The following ZNF280C variants were observed in gnomAD, a reference collection of about 807,000 sequenced individuals.
The protein encoded by ZNF280C is suppressor of hairy wing homolog 3.
In ZNF280C, 14 loss-of-function variants were observed where a neutral mutation model predicts 53.6. The observed-to-expected ratio is 0.26, with a 90% CI of 0.17 to 0.41. ZNF280C has a LOEUF of 0.41. Ranked by LOEUF, ZNF280C falls within the 10% of genes least tolerant of loss-of-function variation. ZNF280C has a pLI of 1.00. For synonymous variants in ZNF280C, 203 were observed against 181.1 expected, an observed-to-expected ratio of 1.12 and a Z score of -0.97; for missense variants, 416 against 547.1, an observed-to-expected ratio of 0.76 and a Z score of 2.39.
At chrX:130,219,412 G>A (rs762462095) in intron 13 of ZNF280C, among the ~76,000 whole-genome samples, 4 of 104,241 alleles carry the variant, frequency 3.8e-5, no homozygotes, top group South Asian at 4.6e-4. Context: ...ACTTGAACCC[G>A]GGAGGCGGAG....
intron 16 of ZNF280C, among the ~76,000 whole-genome samples, chrX:130,205,760 C>T (rs1159854362): frequency 9.2e-6 from 1 of 108,719 alleles, no homozygotes; most frequent in East Asian, 2.9e-4. Context: ...GAGTCTGTAG[C>T]CCCAGCTACT....
chrX:130,253,947 G>A (rs1336021100), intron 2 of ZNF280C, among the ~76,000 whole-genome samples: 2 of 112,064 alleles, frequency 1.8e-5, no homozygotes, highest in African/African-American at 6.5e-5. Flanking sequence ...CAGAGCAAAA[G>A]AAACTAGAGA....
intron 1 of ZNF280C, among the ~76,000 whole-genome samples, chrX:130,264,594 T>C (rs1439721843): frequency 9.0e-6 from 1 of 111,052 alleles, no homozygotes; most frequent in Non-Finnish European, 1.9e-5. Flanking sequence ...AATGACCATA[T>C]GGTTAGCTAT....
rs1285909524 is a variant in ZNF280C at position 130,227,745 on chromosome X, C to T, written c.1185G>A (p.Glu395=). Residue 395 remains glutamate (E), a synonymous_variant, in exon 11 of 19, where the codon GAG becomes GAA. Coordinates refer to ENST00000370978, the MANE Select transcript of ZNF280C (RefSeq NM_017666.5). The stretch of plus-strand genomic sequence containing the variant: ...CCTTCATATGTTGTAAAAGAATATG[C>T]TCTGTTTCAAATGATAATTCACAGA... ...CKICELSFET[E]HILLQHMKDT... The T allele has an allele frequency of 3.3e-6, 4 of 1,203,843 alleles. No individual in the cohort carries two copies. The highest frequency in any genetic ancestry group is 1.8e-5 in the South Asian group (1 of 55,866).
At chrX:130,235,690 T>G (rs2032324351) in intron 8 of ZNF280C, among the ~76,000 whole-genome samples, 1 of 112,434 alleles carries the variant, frequency 8.9e-6, no homozygotes, top group African/African-American at 3.2e-5. Context: ...ATCCATTACC[T>G]CGAGTATTTA....
At chrX:130,233,833 C>G (rs2032304289) in intron 8 of ZNF280C, among the ~76,000 whole-genome samples, 2 of 109,756 alleles carry the variant, frequency 1.8e-5, no homozygotes, top group Non-Finnish European at 3.8e-5. Flanking sequence ...ATAGGTCAAT[C>G]ATACCTCAAT....
intron 8 of ZNF280C, 122 bp downstream of exon 8, chrX:130,236,092 T>C (rs1396303449): frequency 2.4e-5 from 9 of 379,474 alleles, no homozygotes; most frequent in Non-Finnish European, 4.1e-5. Flanking sequence ...TACATGGAAA[T>C]GCCAATACGA....
At position 130,229,016 on chromosome X, in the gene ZNF280C, A is replaced by C. The variant is rs769592314; in HGVS notation, c.1108T>G (p.Cys370Gly). Residue 370 changes from cysteine to glycine, a missense_variant, in exon 10 of 19, where the codon TGC becomes GGC. Physicochemically the swap from Cys to Gly is radical, Grantham distance 159. Around this residue, in one of 3 missense-constraint regions of ZNF280C, gnomAD observed 72 missense variants for 168.8 expected, o/e 0.43. Coordinates refer to ENST00000370978, the MANE Select transcript of ZNF280C (RefSeq NM_017666.5). ...RQYPTPFQLQ[C>G]HIESTHTPHE... is the part of the protein sequence containing the mutation. ...GGAGTGTGTGTACTCTCAATGTGGCACTGCAGTTGGAAGGGTGTGGGATAT... is the reference window on the plus strand; with the variant it reads ...GGAGTGTGTGTACTCTCAATGTGGCCCTGCAGTTGGAAGGGTGTGGGATAT... The C allele has an allele frequency of 8.3e-7, 1 of 1,207,237 alleles. No homozygotes were observed. Among genetic ancestry groups the C allele is most frequent in the Non-Finnish European group, 1.1e-6 (1 of 892,889 alleles).
At chrX:130,222,522 T>C (rs1055052690) in intron 12 of ZNF280C, among the ~76,000 whole-genome samples, 2 of 111,990 alleles carry the variant, frequency 1.8e-5, no homozygotes, top group Non-Finnish European at 3.8e-5. Flanking sequence ...GTTCAAAGTG[T>C]CTGCCATTTC....
At chrX:130,224,973 T>C (rs1233945557) in intron 12 of ZNF280C, among the ~76,000 whole-genome samples, 2 of 111,798 alleles carry the variant, frequency 1.8e-5, no homozygotes, top group Non-Finnish European at 3.8e-5. Flanking sequence ...CAAGGGCCAG[T>C]TATACAAGCA....
chrX:130,255,039 A>G (rs2032552175), intron 2 of ZNF280C, among the ~76,000 whole-genome samples: 1 of 110,759 alleles, frequency 9.0e-6, no homozygotes, highest in Non-Finnish European at 1.9e-5. Context: ...AAAAAAAAAA[A>G]GTCAAATGTC....
At chrX:130,227,520 T>A (rs1044322440) in intron 11 of ZNF280C, among the ~76,000 whole-genome samples, 162 bp downstream of exon 11, 1 of 112,103 alleles carries the variant, frequency 8.9e-6, no homozygotes, top group Non-Finnish European at 1.9e-5. Flanking sequence ...TTACAATGCA[T>A]GAGTTAAACC....
In ZNF280C at chrX:130,239,568, G is replaced by A. The variant is rs2032367341; in HGVS notation, c.493+14C>T. ...CTCTTTTTATAATTTTTATGAAAGA[G>A]TGCTAAACCAAACCTTCTCTAAAAA... On this transcript the variant is annotated intron_variant, in intron 6 of 18. Coordinates refer to ENST00000370978, the MANE Select transcript of ZNF280C (RefSeq NM_017666.5). 1.9e-6 allele frequency: 2 copies of A among 1,031,454 alleles called. No individual in the cohort carries two copies. The highest frequency in any genetic ancestry group is 6.1e-5 in the East Asian group (2 of 32,973). The allele number at this position is 1,031,454 out of a possible 1,213,427, so 85.0% of individuals were successfully genotyped here.
At position 130,227,670 on chromosome X, in the gene ZNF280C, A is replaced by ATG; in HGVS notation, c.1248+10_1248+11dup. The ATG allele has an allele frequency of 9.0e-7, 1 of 1,105,445 alleles. No homozygotes were observed. Among genetic ancestry groups the ATG allele is most frequent in the Non-Finnish European group, 1.3e-6 (1 of 799,827 alleles). The allele number at this position is 1,105,445 out of a possible 1,213,427, so 91.1% of individuals were successfully genotyped here. A position where few individuals can be genotyped will look rare whatever the true frequency, so the allele number is the denominator to read the frequency against. On this transcript the variant is annotated intron_variant, in intron 11 of 18. Coordinates refer to ENST00000370978, the MANE Select transcript of ZNF280C (RefSeq NM_017666.5). ...AACAAACACTTAACTACACAATAAA[A>ATG]TGTGTGTGTACCTGGCAAACATATG...
intron 8 of ZNF280C, among the ~76,000 whole-genome samples, chrX:130,234,340 G>C (rs2032309756): frequency 1.8e-5 from 2 of 111,558 alleles, no homozygotes; most frequent in Admixed American, 9.5e-5. Flanking sequence ...TGAATCGTAA[G>C]AGATGGATAC....
In ZNF280C at chrX:130,225,861, T is replaced by C. The variant is rs908770009; in HGVS notation, c.1395+898A>G. On this transcript the variant is annotated intron_variant, in intron 12 of 18. Coordinates refer to ENST00000370978, the MANE Select transcript of ZNF280C (RefSeq NM_017666.5). Reference sequence around the variant, plus strand: ...CTTGCCGAGACAATGCAATCAATACTACGAAAATGTAATGAGCTGATCAGT... The same window carrying C: ...CTTGCCGAGACAATGCAATCAATACCACGAAAATGTAATGAGCTGATCAGT... Among the ~76,000 whole-genome samples the C allele has an allele frequency of 6.2e-5, 7 of 112,001 alleles. No homozygotes were observed. The Admixed American group carries it at 6.6e-4, about 11-fold the overall frequency.
At chrX:130,240,985 A>G (rs367948927) in intron 5 of ZNF280C, among the ~76,000 whole-genome samples, 2 of 111,919 alleles carry the variant, frequency 1.8e-5, no homozygotes, top group Admixed American at 9.5e-5. Flanking sequence ...ATGAATAAAG[A>G]CCTAATATTA....
intron 2 of ZNF280C, among the ~76,000 whole-genome samples, chrX:130,248,748 G>A (rs1235796261): frequency 9.8e-5 from 11 of 112,143 alleles, no homozygotes; most frequent in Non-Finnish European, 1.3e-4. Flanking sequence ...CTTGACCAGC[G>A]GAGAGCTCCA....
intron 13 of ZNF280C, among the ~76,000 whole-genome samples, chrX:130,216,995 G>A (rs1487710360): frequency 9.0e-6 from 1 of 111,130 alleles, no homozygotes; most frequent in Non-Finnish European, 1.9e-5. Context: ...GCAAGACTCC[G>A]TCTCAAAAAC....
Sources: allele counts gnomAD v4.1 joint callset (sites outside exome capture counted in the v4.1 genomes callset), GRCh38; gene constraint gnomAD v4.1.1; regional missense constraint gnomAD v4.1.1; transcripts MANE v1.5; gene names NCBI Gene and HGNC (gene_info 2026-07-23, HGNC 2026-07-21).